RANBP2: variants seen among roughly 807,000 people sequenced by gnomAD.
RANBP2 encodes the protein RAN binding protein 2.
RANBP2 carries 57 observed loss-of-function variants against 303.6 expected under a neutral mutation model. The ratio of observed to expected loss-of-function variants is 0.19; its 90% CI spans 0.15 to 0.23. The LOEUF (loss-of-function observed/expected upper bound fraction) is 0.23, where lower values mean the gene tolerates loss of function less well. RANBP2 is among the 10% of genes least tolerant of loss of function. The pLI, the probability that RANBP2 is intolerant of heterozygous loss-of-function variation, is 1.00. For synonymous variants in RANBP2, 1,167 were observed against 1,301.5 expected (o/e 0.90, Z 2.23); for missense variants, 3,138 against 3,780.8 (o/e 0.83, Z 4.46).
chr2:109,358,529 G>C, the RANBP2 span, among the ~76,000 whole-genome samples: 4 of 152,288 alleles, frequency 2.6e-5, no homozygotes, highest in South Asian at 8.3e-4. Context: ...GTGAATGAGC[G>C]TTCCTGTTGC....
the RANBP2 span, among the ~76,000 whole-genome samples, chr2:109,654,299 C>T: frequency 6.6e-6 from 1 of 151,882 alleles, no homozygotes; most frequent in Non-Finnish European, 1.5e-5. Context: ...ATTTGGAAGT[C>T]TACAAAACTA....
the RANBP2 span, chr2:109,614,412 C>T: frequency 1.9e-6 from 2 of 1,075,506 alleles, no homozygotes; most frequent in Non-Finnish European, 2.3e-6. Context: ...CCGCCGCCGT[C>T]GGGAGCCGGC....
Position 108,763,874 on chromosome 2 carries a change from C to T in RANBP2, c.3335C>T (p.Thr1112Ile). 1.2e-6 allele frequency: 2 copies of T among 1,613,920 alleles called. No homozygotes were observed. The highest frequency in any genetic ancestry group is 2.2e-5 in the South Asian group (2 of 91,078). The change falls in exon 20 of 29, where the codon ACA (threonine) becomes ATA (isoleucine). Residue 1112 changes from threonine to isoleucine, a missense_variant. Thr to Ile is a moderately conservative substitution (Grantham distance 89). Around this residue, in one of 20 missense-constraint regions of RANBP2, gnomAD observed 403 missense variants for 376.7 expected, o/e 1.07. Coordinates refer to ENST00000283195, the MANE Select transcript of RANBP2 (RefSeq NM_006267.5). ...AAAAATGTGTCTGGAATTTCATTTA[C>T]AGAAAACATGGGGTCGAGTCAGCAA... ...GSKNVSGISFTENMGSSQQKN... is the reference protein window; with the variant it reads ...GSKNVSGISFIENMGSSQQKN...
At chr2:108,788,167 C>T, downstream of RANBP2, 1 of 1,472,324 alleles carries the variant, frequency 6.8e-7, no homozygotes, top group East Asian at 2.4e-5. Flanking sequence ...GCCTGTAATC[C>T]CAGCACTTTG....
the RANBP2 span, among the ~76,000 whole-genome samples, chr2:109,722,867 T>C: frequency 6.6e-6 from 1 of 152,224 alleles, no homozygotes; most frequent in Admixed American, 6.5e-5. Flanking sequence ...ACATTTTCTA[T>C]CATTGATGGG....
At chr2:109,500,586 T>A in the RANBP2 span, among the ~76,000 whole-genome samples, 1 of 152,178 alleles carries the variant, frequency 6.6e-6, no homozygotes, top group Non-Finnish European at 1.5e-5. Flanking sequence ...GATGTTGATG[T>A]TGTGGCCTCA....
At chr2:108,945,399 G>C in the RANBP2 span, among the ~76,000 whole-genome samples, 1 of 152,286 alleles carries the variant, frequency 6.6e-6, no homozygotes, top group South Asian at 2.1e-4. Flanking sequence ...TTTGGAACTA[G>C]AGTATGCTGG....
the RANBP2 span, among the ~76,000 whole-genome samples, chr2:109,693,049 G>A: frequency 6.6e-6 from 1 of 151,964 alleles, no homozygotes; most frequent in Admixed American, 6.6e-5. Flanking sequence ...CATCAACACA[G>A]AGACCTTAAG....
chr2:108,826,142 T>G, the RANBP2 span, among the ~76,000 whole-genome samples: 1 of 152,210 alleles, frequency 6.6e-6, no homozygotes, highest in African/African-American at 2.4e-5. Context: ...GTTTTGTTTT[T>G]AAATATTCAA....
At chr2:108,890,614 C>G in the RANBP2 span, among the ~76,000 whole-genome samples, 2 of 152,244 alleles carry the variant, frequency 1.3e-5, no homozygotes, top group South Asian at 4.2e-4. Flanking sequence ...TTATCTTTGA[C>G]TTCAGACAGC....
the RANBP2 span, among the ~76,000 whole-genome samples, chr2:109,178,180 A>G: frequency 6.6e-6 from 1 of 152,226 alleles, no homozygotes; most frequent in Non-Finnish European, 1.5e-5. Flanking sequence ...TGAGGCACCA[A>G]TGTACCAAAC....
At chr2:109,738,107 T>C in the RANBP2 span, among the ~76,000 whole-genome samples, 1 of 151,552 alleles carries the variant, frequency 6.6e-6, no homozygotes, top group Non-Finnish European at 1.5e-5. Flanking sequence ...TTGTCTATTT[T>C]TGTTTTGTTG....
At chr2:108,861,233 A>G in the RANBP2 span, among the ~76,000 whole-genome samples, 10 of 149,788 alleles carry the variant, frequency 6.7e-5, no homozygotes, top group South Asian at 4.2e-4. Flanking sequence ...TTCTTTGTTG[A>G]TCTAGCTAGT....
the RANBP2 span, among the ~76,000 whole-genome samples, chr2:109,130,412 C>T: frequency 2.0e-5 from 3 of 152,254 alleles, no homozygotes; most frequent in East Asian, 3.9e-4. Context: ...TTAGCATCGC[C>T]CTTGCGTCTC....
the RANBP2 span, among the ~76,000 whole-genome samples, chr2:109,480,925 G>A: frequency 6.6e-6 from 1 of 152,156 alleles, no homozygotes; most frequent in Admixed American, 6.5e-5. Context: ...TAGAAGAAGC[G>A]GCAGATAAAA....
chr2:109,367,323 C>A, the RANBP2 span, among the ~76,000 whole-genome samples: 1 of 151,646 alleles, frequency 6.6e-6, no homozygotes, highest in South Asian at 2.1e-4. Context: ...CTCTTGCCAC[C>A]CAGGCTGGAG....
At chr2:109,036,217 T>C in the RANBP2 span, among the ~76,000 whole-genome samples, 2 of 152,162 alleles carry the variant, frequency 1.3e-5, no homozygotes, top group African/African-American at 4.8e-5. Flanking sequence ...GAAATTAAAG[T>C]TATAAGCAAA....
chr2:109,557,654 C>G, the RANBP2 span, among the ~76,000 whole-genome samples: 1 of 152,040 alleles, frequency 6.6e-6, no homozygotes, highest in East Asian at 1.9e-4. Flanking sequence ...AGGCCAATTT[C>G]AAGTAAAGAA....
chr2:108,997,459 A>AAAAAAAAAAAAAAAAAAAAG, the RANBP2 span, among the ~76,000 whole-genome samples: 2 of 131,370 alleles, frequency 1.5e-5, no homozygotes, highest in Non-Finnish European at 3.1e-5. Context: ...AAAAAAAAAA[A>AAAAAAAAAAAAAAAAAAAAG]AAAAGATGAT....
Sources: allele counts gnomAD v4.1 joint callset (sites outside exome capture counted in the v4.1 genomes callset), GRCh38; gene constraint gnomAD v4.1.1; regional missense constraint gnomAD v4.1.1; transcripts MANE v1.5; gene names NCBI Gene and HGNC (gene_info 2026-07-23, HGNC 2026-07-21).